Variants in RBMS3 observed in about 807,000 individuals in gnomAD.
The protein encoded by RBMS3 is RNA-binding motif, single-stranded-interacting protein 3.
RBMS3 carries 27 observed loss-of-function variants against 66.8 expected under a neutral mutation model. The observed-to-expected ratio is 0.40, with a 90% confidence interval of 0.30 to 0.56. The LOEUF (loss-of-function observed/expected upper bound fraction) is 0.56. Among genes scored for constraint, RBMS3 ranks in the 20% least tolerant of loss-of-function variants. The probability of loss-of-function intolerance (pLI) is 0.40; values close to 1 mark genes in which losing one functional copy is unlikely to be tolerated. For synonymous variants in RBMS3, 188 were observed against 183.0 expected (o/e 1.03, Z -0.22); for missense variants, 513 against 549.5 (o/e 0.93, Z 0.66).
intron 6 of RBMS3, among the ~76,000 whole-genome samples, chr3:29,802,584 C>A (rs2057424306): frequency 6.6e-6 from 1 of 152,188 alleles, no homozygotes; most frequent in South Asian, 2.1e-4. Flanking sequence ...AGCATGTGCC[C>A]ACGTGTCAAT....
At chr3:29,699,003 A>G (rs2052412985) in intron 4 of RBMS3, among the ~76,000 whole-genome samples, 1 of 152,180 alleles carries the variant, frequency 6.6e-6, no homozygotes, top group South Asian at 2.1e-4. Context: ...ATAAAGTTCC[A>G]TTTTGTGAAT....
chr3:29,378,255 G>T (rs933530935), intron 1 of RBMS3, among the ~76,000 whole-genome samples: 6 of 152,070 alleles, frequency 3.9e-5, no homozygotes, highest in African/African-American at 1.4e-4. Flanking sequence ...GGTGGATCAC[G>T]AGGTCAGGAG....
At chr3:29,821,936 A>G (rs1363248613) in intron 6 of RBMS3, among the ~76,000 whole-genome samples, 1 of 152,210 alleles carries the variant, frequency 6.6e-6, no homozygotes, top group Non-Finnish European at 1.5e-5. Context: ...GACCAGGAAT[A>G]AAATACATCT....
chr3:29,666,980 T>C (rs1344007830), intron 4 of RBMS3, among the ~76,000 whole-genome samples: 1 of 152,134 alleles, frequency 6.6e-6, no homozygotes, highest in African/African-American at 2.4e-5. Flanking sequence ...CGAAAAAGAA[T>C]AAAAACAGTT....
chr3:29,679,768 G>GTATATATATATA lies in RBMS3; in HGVS notation c.400-59944_400-59933dup, dbSNP rs34934611. On this transcript the variant is annotated intron_variant, in intron 4 of 14. Transcript: ENST00000383767. The stretch of plus-strand genomic sequence containing the variant: ...TAGCAATAATTTATACTACTTGACT[G>GTATATATATATA]TATATATATATATATATATTATACA... 1.5e-3 allele frequency among the ~76,000 whole-genome samples: 218 copies of GTATATATATATA among 145,410 alleles called. 1 individual carries two copies. The highest frequency in any genetic ancestry group is 5.4e-3 in the African/African-American group (209 of 38,600).
At chr3:29,901,879 A>G (rs1478008968) in intron 10 of RBMS3, among the ~76,000 whole-genome samples, 1 of 151,850 alleles carries the variant, frequency 6.6e-6, no homozygotes, top group Admixed American at 6.6e-5. Context: ...TCATGGAAAC[A>G]CAGAGTTTGT....
At chr3:29,824,686 G>A (rs2058160404) in intron 6 of RBMS3, among the ~76,000 whole-genome samples, 1 of 151,986 alleles carries the variant, frequency 6.6e-6, no homozygotes, top group East Asian at 1.9e-4. Context: ...TGATGGTGAG[G>A]GTTATATGTG....
intron 1 of RBMS3, among the ~76,000 whole-genome samples, chr3:29,305,429 A>T (rs1389074676): frequency 3.9e-5 from 6 of 151,954 alleles, no homozygotes; most frequent in African/African-American, 1.4e-4. Context: ...ACACAATGGT[A>T]GGTGCTCAAT....
intron 12 of RBMS3, among the ~76,000 whole-genome samples, chr3:29,966,949 C>T (rs1037929353): frequency 6.6e-6 from 1 of 152,012 alleles, no homozygotes; most frequent in Non-Finnish European, 1.5e-5. Flanking sequence ...ATTCAGATGA[C>T]CACGATTTTT....
intron 4 of RBMS3, among the ~76,000 whole-genome samples, chr3:29,650,281 T>A (rs2050097158): frequency 1.1e-5 from 1 of 94,560 alleles, no homozygotes; most frequent in Non-Finnish European, 2.3e-5. Flanking sequence ...CTTTCTTTCT[T>A]TTTTTTTTTT....
At chr3:29,871,861 A>G (rs917879201) in intron 7 of RBMS3, among the ~76,000 whole-genome samples, 2 of 152,168 alleles carry the variant, frequency 1.3e-5, no homozygotes, top group African/African-American at 4.8e-5. Context: ...TCCTCATGGC[A>G]TTTTGATAAA....
In RBMS3 at chr3:29,696,939, G is replaced by GT. The variant is rs771350017; in HGVS notation, c.400-42773dup. 8.6e-5 allele frequency: 84 copies of GT among 981,630 alleles called. No homozygotes were observed. The East Asian group carries it at 1.1e-3, about 13-fold the overall frequency. The allele number at this position is 981,630 out of a possible 1,614,324, so 60.8% of individuals were successfully genotyped here. On this transcript the variant is annotated intron_variant, in intron 4 of 14. Transcript: ENST00000383767. ...TAAAATGTCTCCCCTGGTCGTTTGG[G>GT]TTTTTTTTAATTTTTAATTTTTGTA...
At chr3:29,930,364 G>A (rs1379579696) in intron 10 of RBMS3, among the ~76,000 whole-genome samples, 2 of 151,484 alleles carry the variant, frequency 1.3e-5, no homozygotes, top group African/African-American at 2.4e-5. Flanking sequence ...CGCCCGCCTC[G>A]GCCTCCCAAA....
intron 12 of RBMS3, among the ~76,000 whole-genome samples, chr3:29,966,493 A>G (rs1173132790): frequency 4.6e-5 from 7 of 152,002 alleles, no homozygotes; most frequent in African/African-American, 1.7e-4. Flanking sequence ...TTGATTCTCC[A>G]CTTGGTCACT....
intron 8 of RBMS3, among the ~76,000 whole-genome samples, chr3:29,890,375 T>C (rs191612931): frequency 1.1e-4 from 16 of 151,740 alleles, no homozygotes; most frequent in Non-Finnish European, 3.0e-5. Context: ...TCATTCGCAT[T>C]GCTCTATGCA....
At chr3:29,496,696 A>G (rs980778157) in intron 3 of RBMS3, among the ~76,000 whole-genome samples, 4 of 152,194 alleles carry the variant, frequency 2.6e-5, no homozygotes, top group Non-Finnish European at 5.9e-5. Context: ...CAATATCAGG[A>G]TATTAATTAT....
At chr3:29,522,507 C>T (rs1441023667) in intron 3 of RBMS3, among the ~76,000 whole-genome samples, 1 of 151,916 alleles carries the variant, frequency 6.6e-6, no homozygotes, top group Non-Finnish European at 1.5e-5. Context: ...ATCTAGGTTT[C>T]GAGGGATAGT....
intron 4 of RBMS3, among the ~76,000 whole-genome samples, chr3:29,714,423 G>C (rs1483720786): frequency 6.6e-6 from 1 of 152,098 alleles, no homozygotes; most frequent in Non-Finnish European, 1.5e-5. Context: ...GGATGGGATG[G>C]GACAGTATCT....
chr3:29,420,061 C>A (rs1338267398), intron 1 of RBMS3, among the ~76,000 whole-genome samples: 1 of 152,138 alleles, frequency 6.6e-6, no homozygotes, highest in East Asian at 1.9e-4. Flanking sequence ...TTACAGTAGA[C>A]CCTGAGCATT....
Sources: allele counts gnomAD v4.1 joint callset (sites outside exome capture counted in the v4.1 genomes callset), GRCh38; gene constraint gnomAD v4.1.1; transcripts MANE v1.5; gene names NCBI Gene and HGNC (gene_info 2026-07-23, HGNC 2026-07-21).